P2RX7: variants seen among roughly 807,000 people sequenced by gnomAD.
P2RX7 encodes the protein purinergic receptor P2X 7, also known as P2X purinoceptor 7.
P2RX7 carries 62 observed loss-of-function variants against 71.6 expected under a neutral mutation model. The observed-to-expected ratio is 0.87, with a 90% confidence interval of 0.71 to 1.07. The LOEUF (loss-of-function observed/expected upper bound fraction) is 1.07. Ranked by LOEUF, P2RX7 falls within the 50% of genes least tolerant of loss-of-function variation. The pLI is 0.00. For missense variants in P2RX7, 686 were observed against 748.5 expected, an observed-to-expected ratio of 0.92 and a Z score of 0.97; for synonymous variants, 299 against 283.3, an observed-to-expected ratio of 1.06 and a Z score of -0.56.
chr12:121,149,080 C>T lies in P2RX7; in HGVS notation c.126-5705C>T. On this transcript the variant is annotated intron_variant, in intron 1 of 12. Transcript: ENST00000328963. The surrounding 1 kb of genome is among the most constrained non-coding windows in gnomAD (Gnocchi z 4.7). ...GAGCTTGAAGAGCAATCTAACCATGCTGGCATGGGGCCCATCCCACCTGTG... is the reference window on the plus strand; with the variant it reads ...GAGCTTGAAGAGCAATCTAACCATGTTGGCATGGGGCCCATCCCACCTGTG... 2.1e-5 allele frequency: 12 copies of T among 584,306 alleles called. No homozygotes were observed. The highest frequency in any genetic ancestry group is 1.7e-4 in the South Asian group (12 of 70,882). 36.2% of individuals were successfully genotyped at this position (584,306 alleles called of 1,614,324 possible).
At chr12:121,162,313 T>C in intron 4 of P2RX7, 111 bp from the exon 5 acceptor site, 1 of 1,482,076 alleles carries the variant, frequency 6.7e-7, no homozygotes, top group Non-Finnish European at 9.0e-7. Flanking sequence ...TTGGAAAGCC[T>C]GGTCAAAGCC....
chr12:121,171,862 CTTTTTTTTT>C (rs779128209), intron 8 of P2RX7, among the ~76,000 whole-genome samples: 1 of 131,146 alleles, frequency 7.6e-6, no homozygotes, highest in Non-Finnish European at 1.6e-5. Context: ...TTCTTTCTTT[CTTTTTTTTT>C]TTTTTTTTGA....
intron 8 of P2RX7, among the ~76,000 whole-genome samples, chr12:121,169,695 C>T (rs1222385439): frequency 1.3e-5 from 2 of 152,072 alleles, no homozygotes; most frequent in South Asian, 2.1e-4. Flanking sequence ...CACTTGAACC[C>T]GGGGGTTTGA....
At chr12:121,174,368 T>C (rs1593129583) in intron 8 of P2RX7, among the ~76,000 whole-genome samples, 1 of 151,946 alleles carries the variant, frequency 6.6e-6, no homozygotes, top group Non-Finnish European at 1.5e-5. Flanking sequence ...AAAATAAAAA[T>C]TAGCCACCTG....
intron 5 of P2RX7, among the ~76,000 whole-genome samples, chr12:121,163,358 GCACACACACACACA>G (rs1352653146): frequency 3.0e-5 from 3 of 100,426 alleles, no homozygotes; most frequent in East Asian, 3.8e-4. Flanking sequence ...ACACACACAC[GCACACACACACACA>G]CACACAATCT....
chr12:121,140,652 A>T (rs1286667508), intron 1 of P2RX7, among the ~76,000 whole-genome samples: 2 of 152,202 alleles, frequency 1.3e-5, no homozygotes, highest in African/African-American at 2.4e-5. Flanking sequence ...AAGAAGACCA[A>T]GGAGAGGCTT....
At chr12:121,151,122 G>A (rs149089381) in intron 1 of P2RX7, among the ~76,000 whole-genome samples, 318 of 152,300 alleles carry the variant, frequency 2.1e-3, no homozygotes, top group Admixed American at 4.5e-3. Context: ...TACTTGGGAG[G>A]CTGAGATGGG....
At chr12:121,162,381 G>C in intron 4 of P2RX7, 43 bp from the exon 5 acceptor site, 1 of 1,611,426 alleles carries the variant, frequency 6.2e-7, no homozygotes, top group Non-Finnish European at 8.5e-7. Flanking sequence ...CCTCTCCGCA[G>C]TTCTTTCACA....
chr12:121,184,238 T>A, intron 12 of P2RX7, 67 bp from the exon 13 acceptor site: 4 of 1,500,690 alleles, frequency 2.7e-6, no homozygotes, highest in Non-Finnish European at 3.5e-6. Flanking sequence ...TATAAGTTAA[T>A]AAAATTAAAG....
chr12:121,180,588 A>G (rs12829218), intron 12 of P2RX7, 133 bp downstream of exon 12: 16,803 of 491,852 alleles, frequency 0.034, 380 homozygotes, highest in Non-Finnish European at 0.044. Flanking sequence ...ACCGGCACTC[A>G]GATTAAACAA....
chr12:121,160,977 A>T lies in P2RX7; in HGVS notation c.436+3A>T, dbSNP rs746057828. 1 of 1,611,778 alleles carries T rather than the reference A, an allele frequency of 6.2e-7. No individual in the cohort carries two copies. On this transcript the variant is annotated splice_donor_region_variant and intron_variant, in intron 4 of 12. Coordinates refer to ENST00000328963, the MANE Select transcript of P2RX7 (RefSeq NM_002562.6). ...ATGGATGGACCCGCAGAGCAAAGGTACCTTCTGTTTCTTTTCCCGAGACCC... is the reference window on the plus strand; with the variant it reads ...ATGGATGGACCCGCAGAGCAAAGGTTCCTTCTGTTTCTTTTCCCGAGACCC...
chr12:121,141,922 G>T (rs1160015754), intron 1 of P2RX7, among the ~76,000 whole-genome samples: 1 of 152,162 alleles, frequency 6.6e-6, no homozygotes, highest in East Asian at 1.9e-4. Flanking sequence ...CACAACAGGA[G>T]ACCCAAGCTT....
chr12:121,134,684 G>T (rs890410342), intron 1 of P2RX7, among the ~76,000 whole-genome samples: 2 of 152,114 alleles, frequency 1.3e-5, no homozygotes, highest in South Asian at 2.1e-4. Flanking sequence ...GAGCCGCCAC[G>T]CCCGGCTGAT....
chr12:121,162,948 G>T (rs998694453), intron 5 of P2RX7, among the ~76,000 whole-genome samples: 1 of 151,530 alleles, frequency 6.6e-6, no homozygotes, highest in African/African-American at 2.4e-5. Flanking sequence ...GGAAGGGGAG[G>T]AAAAAGCAAA....
intron 1 of P2RX7, among the ~76,000 whole-genome samples, chr12:121,133,686 C>A (rs937364578): frequency 6.6e-6 from 1 of 152,118 alleles, no homozygotes. Context: ...ATATTTTAAT[C>A]GACTCAAAAG....
At chr12:121,153,146 C>T (rs2686369) in intron 1 of P2RX7, among the ~76,000 whole-genome samples, 15,561 of 152,194 alleles carry the variant, frequency 0.1, 966 homozygotes, top group African/African-American at 0.18. Flanking sequence ...ATAACTCCCC[C>T]GACCCGTGGA....
In P2RX7 at chr12:121,166,140, G is replaced by A; in HGVS notation, c.697G>A (p.Asp233Asn). 6.2e-7 allele frequency: 1 copy of A among 1,614,028 alleles called. No homozygotes were observed. Among genetic ancestry groups the A allele is most frequent in the Admixed American group, 1.7e-5 (1 of 60,030 alleles). The change falls in exon 7 of 13, where the codon GAC (aspartate) becomes AAC (asparagine). Residue 233 changes from aspartate (D) to asparagine (N), a missense_variant. Transcript: ENST00000328963. The part of the protein sequence containing the change: ...NPQCPIFRLG[D>N]IFRETGDNFS... ...ACAGTGTCCCATTTTCCGACTAGGA[G>A]ACATCTTCCGAGAAACAGGCGATAA...
In P2RX7 at chr12:121,149,171, A is replaced by G; in HGVS notation, c.126-5614A>G. On this transcript the variant is annotated intron_variant, in intron 1 of 12. Coordinates refer to ENST00000328963, the MANE Select transcript of P2RX7 (RefSeq NM_002562.6). This position sits in a 1 kb window ranked among gnomAD's most constrained non-coding sequence, Gnocchi z 4.7. ...ATGTGGATTGAGACTCTGAAGAACG[A>G]CTTTATGGTGGGCACCTTCATCTCC... The G allele has an allele frequency of 2.4e-6, 1 of 417,680 alleles. No individual in the cohort carries two copies. Among genetic ancestry groups the G allele is most frequent in the African/African-American group, 2.1e-5 (1 of 48,078 alleles). The allele number at this position is 417,680 out of a possible 1,614,324, so 25.9% of individuals were successfully genotyped here.
intron 12 of P2RX7, among the ~76,000 whole-genome samples, chr12:121,182,723 C>T (rs1483827593): frequency 1.3e-4 from 20 of 152,104 alleles, no homozygotes; most frequent in Admixed American, 1.2e-3. Flanking sequence ...AGGTTGTTAC[C>T]GTGCACTACA....
Sources: gnomAD v4.1 joint callset for allele counts (sites outside exome capture counted in the v4.1 genomes callset) on GRCh38, gnomAD v4.1.1 for gene constraint, Gnocchi (gnomAD v3.1) non-coding constraint, MANE v1.5 for transcripts, NCBI Gene and HGNC (gene_info 2026-07-23, HGNC 2026-07-21) for gene names.